Variants in FRMD4A observed in about 807,000 individuals in gnomAD.
FRMD4A encodes the protein FERM domain-containing protein 4A.
FRMD4A carries 29 observed loss-of-function variants against 129.1 expected under a neutral mutation model. The ratio of observed to expected loss-of-function variants is 0.22; its 90% CI spans 0.17 to 0.31. FRMD4A has a LOEUF of 0.31. Among genes scored for constraint, FRMD4A ranks in the 10% least tolerant of loss-of-function variants. FRMD4A has a pLI of 1.00. For synonymous variants in FRMD4A, 634 were observed against 571.6 expected (o/e 1.11, Z -1.56); for missense variants, 1,272 against 1,375.8 (o/e 0.92, Z 1.19).
intron 2 of FRMD4A, among the ~76,000 whole-genome samples, chr10:14,198,373 G>T (rs575653063): frequency 8.9e-4 from 135 of 152,280 alleles, no homozygotes; most frequent in African/African-American, 3.1e-3. Flanking sequence ...ACTAGGCAGC[G>T]GCACATGGTT....
At chr10:13,945,526 C>A (rs2095325075) in intron 2 of FRMD4A, among the ~76,000 whole-genome samples, 1 of 151,884 alleles carries the variant, frequency 6.6e-6, no homozygotes, top group Non-Finnish European at 1.5e-5. Context: ...TTTAATGGAA[C>A]ACAGTTCAAG....
chr10:13,710,724 A>C (rs946848358), intron 12 of FRMD4A: 2 of 152,272 alleles, frequency 1.3e-5, no homozygotes, highest in Non-Finnish European at 2.9e-5. Context: ...AGAAGGGCCC[A>C]GGAATGGGCT....
At chr10:14,082,719 C>T (rs945795674) in intron 2 of FRMD4A, among the ~76,000 whole-genome samples, 4 of 152,118 alleles carry the variant, frequency 2.6e-5, no homozygotes, top group East Asian at 3.9e-4. Flanking sequence ...TAGCCCATAA[C>T]GCGGAGTCTG....
chr10:13,675,918 T>G (rs2083940731), intron 15 of FRMD4A: 1 of 152,140 alleles, frequency 6.6e-6, no homozygotes, highest in Admixed American at 6.5e-5. Flanking sequence ...AGAATGCTAT[T>G]GTATTTTTTA....
At chr10:14,170,536 A>G (rs1479129314) in intron 2 of FRMD4A, among the ~76,000 whole-genome samples, 1 of 152,212 alleles carries the variant, frequency 6.6e-6, no homozygotes, top group African/African-American at 2.4e-5. Context: ...ACAGAGAAAA[A>G]GACACCAACG....
At chr10:13,946,489 C>T (rs536524190) in intron 2 of FRMD4A, among the ~76,000 whole-genome samples, 1 of 152,340 alleles carries the variant, frequency 6.6e-6, no homozygotes, top group South Asian at 2.1e-4. Flanking sequence ...AAGTCATGTA[C>T]ATGTGTCTTT....
At chr10:14,327,164 A>G (rs1052163468) in intron 2 of FRMD4A, among the ~76,000 whole-genome samples, 6 of 152,348 alleles carry the variant, frequency 3.9e-5, no homozygotes, top group Non-Finnish European at 4.4e-5. Context: ...CTTTTGTCCA[A>G]TGGACCAACT....
At chr10:14,263,074 G>A (rs1844858726) in intron 2 of FRMD4A, among the ~76,000 whole-genome samples, 1 of 152,200 alleles carries the variant, frequency 6.6e-6, no homozygotes. Flanking sequence ...TTTCTTTCAG[G>A]ACAAATGGCC....
At chr10:13,678,987 G>C (rs949760341) in intron 15 of FRMD4A, among the ~76,000 whole-genome samples, 2 of 151,990 alleles carry the variant, frequency 1.3e-5, no homozygotes, top group African/African-American at 4.8e-5. Context: ...CAGTGCTATA[G>C]GACACTCGAA....
At chr10:14,042,688 C>T (rs867896117) in intron 2 of FRMD4A, among the ~76,000 whole-genome samples, 13 of 151,946 alleles carry the variant, frequency 8.6e-5, no homozygotes, top group Admixed American at 5.9e-4. Context: ...AACAGGCCGG[C>T]GCAGTGGCTC....
intron 2 of FRMD4A, among the ~76,000 whole-genome samples, chr10:13,868,495 G>A (rs1195556356): frequency 1.3e-5 from 2 of 151,914 alleles, no homozygotes; most frequent in African/African-American, 4.8e-5. Context: ...TGACTCTCCT[G>A]GATTTAAAAA....
intron 24 of FRMD4A, chr10:13,647,694 C>T (rs1489633132): frequency 6.9e-6 from 1 of 143,950 alleles, no homozygotes; most frequent in East Asian, 2.0e-4. Context: ...AAAGTGTGTT[C>T]ATTTAAAATA....
intron 2 of FRMD4A, among the ~76,000 whole-genome samples, chr10:14,087,075 C>A (rs990663112): frequency 4.6e-5 from 7 of 151,964 alleles, no homozygotes; most frequent in African/African-American, 1.7e-4. Context: ...ACTGCCAGGG[C>A]AAATTGGAAC....
At chr10:14,154,233 A>AG (rs1442652614) in intron 2 of FRMD4A, among the ~76,000 whole-genome samples, 4 of 152,110 alleles carry the variant, frequency 2.6e-5, no homozygotes, top group Non-Finnish European at 5.9e-5. Context: ...AGACCAAGGA[A>AG]GGGGGCAAAT....
At chr10:13,857,203 T>A (rs1453271687) in intron 3 of FRMD4A, among the ~76,000 whole-genome samples, 1 of 152,190 alleles carries the variant, frequency 6.6e-6, no homozygotes, top group South Asian at 2.1e-4. Flanking sequence ...TAAAATTTTT[T>A]TTTTTAAATC....
intron 2 of FRMD4A, among the ~76,000 whole-genome samples, chr10:13,895,930 A>C (rs141088056): frequency 6.6e-6 from 1 of 152,214 alleles, no homozygotes; most frequent in African/African-American, 2.4e-5. Context: ...TCTCGTCATC[A>C]CTGGTCATCA....
chr10:14,319,367 T>TCACACA (rs1554809203), intron 2 of FRMD4A, among the ~76,000 whole-genome samples: 7 of 145,130 alleles, frequency 4.8e-5, no homozygotes, highest in African/African-American at 1.9e-4. Context: ...TCTCTCTCTC[T>TCACACA]CACACACACA....
chr10:13,761,941 T>C (rs1323520443), intron 7 of FRMD4A, among the ~76,000 whole-genome samples: 1 of 152,238 alleles, frequency 6.6e-6, no homozygotes, highest in African/African-American at 2.4e-5. Flanking sequence ...AGCCTGGGTC[T>C]GACATGTTCT....
rs76860928 is a variant in FRMD4A at position 14,044,125 on chromosome 10, T to C, written c.46-185213A>G. ...ATTACAGGTATGAACCACTGTGTCC[T>C]GCCCTTTGGGTCATCTTTAACGTCT... On this transcript the variant is annotated intron_variant, in intron 2 of 24. Transcript: ENST00000357447. 8.3e-3 allele frequency among the ~76,000 whole-genome samples: 1,269 copies of C among 152,338 alleles called. 58 individuals carry two copies. In the East Asian group the frequency reaches 0.11, roughly 14 times the overall value.
Sources: allele counts gnomAD v4.1 joint callset (sites outside exome capture counted in the v4.1 genomes callset), GRCh38; gene constraint gnomAD v4.1.1; transcripts MANE v1.5; gene names NCBI Gene and HGNC (gene_info 2026-07-23, HGNC 2026-07-21).